The following COG6 variants were observed in gnomAD, a reference collection of about 807,000 sequenced individuals.
The protein encoded by COG6 is component of oligomeric golgi complex 6.
Under a neutral mutation model 88.8 loss-of-function variants are expected in COG6, and 74 were observed. The ratio of observed to expected loss-of-function variants is 0.83; its 90% CI spans 0.69 to 1.01. The LOEUF is 1.01. COG6 is among the 50% of genes least tolerant of loss of function. The pLI is 0.00. For synonymous variants in COG6, 286 were observed against 278.7 expected (o/e 1.03, Z -0.26); for missense variants, 800 against 797.9 (o/e 1.00, Z -0.03).
rs1234862111 is a variant in COG6 at position 39,751,628 on chromosome 13, A to G, written c.*535A>G. On this transcript the variant is annotated 3_prime_UTR_variant, in exon 19 of 19. Coordinates refer to ENST00000455146, the MANE Select transcript of COG6 (RefSeq NM_020751.3). ...TTAGCAGAGAGAAAAATAACAGTGA[A>G]TGTGCTCCTGGTGTATATGGCAGTG... is the stretch of plus-strand genomic sequence containing the variant. The G allele has an allele frequency of 2.3e-6, 3 of 1,287,094 alleles. No individual in the cohort carries two copies. Among genetic ancestry groups the G allele is most frequent in the East Asian group, 1.1e-4 (2 of 18,030 alleles). 79.7% of individuals were successfully genotyped at this position (1,287,094 alleles called of 1,614,324 possible).
chr13:39,679,371 T>C, intron 5 of COG6, 167 bp from the exon 6 acceptor site: 1 of 625,148 alleles, frequency 1.6e-6, no homozygotes, highest in East Asian at 2.8e-5. Flanking sequence ...TGTGAATAAA[T>C]ACCAGTTACA....
In COG6 at chr13:39,655,800, G is replaced by A. The variant is rs1455489710; in HGVS notation, c.74G>A (p.Gly25Asp). 1 of 1,598,688 alleles carries A rather than the reference G, an allele frequency of 6.3e-7. No homozygotes were observed. Among genetic ancestry groups the A allele is most frequent in the African/African-American group, 1.3e-5 (1 of 74,576 alleles). Residue 25 changes from glycine (G) to aspartate (D), a missense_variant, in exon 1 of 19, where the codon GGC becomes GAC. Coordinates refer to ENST00000455146, the MANE Select transcript of COG6 (RefSeq NM_020751.3). ...GAANGLNNGA[G>D]GTSATTCNPL... is the part of the protein sequence containing the mutation. ...GCCAACGGCCTCAACAATGGGGCAGGCGGGACCTCGGCGACGACCTGCAAC... is the reference window on the plus strand; with the variant it reads ...GCCAACGGCCTCAACAATGGGGCAGACGGGACCTCGGCGACGACCTGCAAC...
intron 13 of COG6, among the ~76,000 whole-genome samples, chr13:39,705,727 C>A (rs1877855680): frequency 6.6e-6 from 1 of 152,054 alleles, no homozygotes; most frequent in Non-Finnish European, 1.5e-5. Context: ...TGCTTTGAAT[C>A]TCTTTTTACT....
At chr13:39,766,124 CT>C (rs1881157296) in intron 18 of COG6, among the ~76,000 whole-genome samples, 1 of 152,242 alleles carries the variant, frequency 6.6e-6, no homozygotes, top group Non-Finnish European at 1.5e-5. Flanking sequence ...CTCCACCCTT[CT>C]CGCCCATCTG....
rs546672591 is a variant in COG6 at position 39,771,078 on chromosome 13, T to A, written c.1827-17257T>A. 2.0e-5 allele frequency among the ~76,000 whole-genome samples: 3 copies of A among 152,252 alleles called. No individual in the cohort carries two copies. In the South Asian group the frequency reaches 6.2e-4, roughly 32 times the overall value. ...TGTAAGTAGCTGCAGATCAGGTCCA[T>A]GCAGACACGTGTGGCACTGCTGAGC... On this transcript the variant is annotated intron_variant, in intron 18 of 18. Transcript: ENST00000416691.
chr13:39,655,939 G>A lies in COG6; in HGVS notation c.153+60G>A, dbSNP rs1051980262. On this transcript the variant is annotated intron_variant, in intron 1 of 18. Transcript: ENST00000455146. ...CCTGCGGGGCTGAGCCGGGCCAGGG[G>A]CGGCGTCTGTCAGGGACCCACCGCG... 3.2e-6 allele frequency: 5 copies of A among 1,559,728 alleles called. No individual in the cohort carries two copies. In the African/African-American group the frequency reaches 4.1e-5, roughly 13 times the overall value.
intron 18 of COG6, among the ~76,000 whole-genome samples, chr13:39,775,259 A>G (rs1192869949): frequency 7.7e-6 from 1 of 129,454 alleles, no homozygotes; most frequent in Non-Finnish European, 1.7e-5. Context: ...GAGGCTAATG[A>G]TGTTGTGACT....
At chr13:39,719,570 C>T in intron 14 of COG6, 90 bp from the exon 15 acceptor site, 1 of 1,322,592 alleles carries the variant, frequency 7.6e-7, no homozygotes, top group South Asian at 1.2e-5. Context: ...AAATTGGCTT[C>T]CTTCCAATTA....
intron 8 of COG6, among the ~76,000 whole-genome samples, chr13:39,683,241 A>G (rs936464311): frequency 6.6e-6 from 1 of 152,214 alleles, no homozygotes; most frequent in African/African-American, 2.4e-5. Flanking sequence ...TTAATTGAAT[A>G]CACTAATTGA....
rs145721225 is a variant in COG6, at chr13:39,782,442, T to G, written c.1827-5893T>G. Among the ~76,000 whole-genome samples, 5 of 152,328 alleles carry G rather than the reference T, an allele frequency of 3.3e-5. No homozygotes were observed. The East Asian group carries it at 9.6e-4, about 29-fold the overall frequency. On this transcript the variant is annotated intron_variant, in intron 18 of 18. Coordinates refer to the COG6 transcript ENST00000416691. The stretch of plus-strand genomic sequence containing the variant: ...TTTCTTCCTTGGTGGAGGTGTAGAA[T>G]GTTGGACATGCTGCTTGTAGTAACC...
chr13:39,764,566 A>G (rs922849078), intron 18 of COG6, among the ~76,000 whole-genome samples: 3 of 151,840 alleles, frequency 2.0e-5, no homozygotes, highest in African/African-American at 7.2e-5. Flanking sequence ...TTTATATGTC[A>G]TATTTTCATT....
intron 18 of COG6, among the ~76,000 whole-genome samples, chr13:39,777,929 A>G (rs997441623): frequency 6.6e-6 from 1 of 152,128 alleles, no homozygotes; most frequent in Non-Finnish European, 1.5e-5. Context: ...AACAAGAACT[A>G]CCCATTTACT....
intron 3 of COG6, among the ~76,000 whole-genome samples, chr13:39,664,320 T>C (rs114612224): frequency 7.7e-4 from 117 of 152,350 alleles, no homozygotes; most frequent in Middle Eastern, 3.4e-3. Flanking sequence ...CTGGCTCATT[T>C]AATATTTCTT....
intron 13 of COG6, among the ~76,000 whole-genome samples, chr13:39,700,564 A>T (rs569864548): frequency 6.6e-6 from 1 of 152,016 alleles, no homozygotes; most frequent in African/African-American, 2.4e-5. Context: ...ATTTGTTATT[A>T]TGAGTTCTTA....
intron 13 of COG6, among the ~76,000 whole-genome samples, chr13:39,707,318 G>A (rs563453255): frequency 3.4e-4 from 51 of 151,356 alleles, no homozygotes; most frequent in East Asian, 1.4e-3. Context: ...TAGTAGAGAC[G>A]GGGTTTCACC....
chr13:39,784,697 G>A (rs1281768472), intron 18 of COG6, among the ~76,000 whole-genome samples: 1 of 152,170 alleles, frequency 6.6e-6, no homozygotes, highest in African/African-American at 2.4e-5. Context: ...TGAAGATAAT[G>A]TCCTTAACCA....
chr13:39,678,788 T>A (rs894140379), intron 5 of COG6, among the ~76,000 whole-genome samples: 1 of 151,986 alleles, frequency 6.6e-6, no homozygotes, highest in African/African-American at 2.4e-5. Context: ...TGTAGAGAGG[T>A]AAATAGGTGA....
rs756826030 is a variant in COG6, at chr13:39,682,261, A to C, written c.785A>C (p.Tyr262Ser). ...MEALQDRPVL[Y>S]KYTLDEFGTA... Reference sequence around the variant, plus strand: ...GCCCTGCAGGACAGACCTGTCTTATATAAGTTGGTGACTTTTTCTTAATTA... The same window carrying C: ...GCCCTGCAGGACAGACCTGTCTTATCTAAGTTGGTGACTTTTTCTTAATTA... Residue 262 changes from tyrosine to serine, a missense_variant, in exon 8 of 19, where the codon TAT (tyrosine) becomes TCT (serine). By Grantham distance (144) the Tyr-to-Ser change is moderately radical (BLOSUM62 -2). Coordinates refer to ENST00000455146, the MANE Select transcript of COG6 (RefSeq NM_020751.3). 8.1e-6 allele frequency: 13 copies of C among 1,598,346 alleles called. No homozygotes were observed. The African/African-American group carries it at 1.3e-4, about 16-fold the overall frequency.
chr13:39,743,718 A>G (rs1880178727), intron 18 of COG6, among the ~76,000 whole-genome samples: 1 of 152,210 alleles, frequency 6.6e-6, no homozygotes, highest in South Asian at 2.1e-4. Context: ...CTTCCAATCA[A>G]TAGAAAAAGA....
Sources: allele counts gnomAD v4.1 joint callset (sites outside exome capture counted in the v4.1 genomes callset), GRCh38; gene constraint gnomAD v4.1.1; transcripts MANE v1.5; gene names NCBI Gene and HGNC (gene_info 2026-07-23, HGNC 2026-07-21).